DCDC1: variants seen among roughly 807,000 people sequenced by gnomAD.
The protein encoded by DCDC1 is doublecortin domain containing 1.
A neutral mutation model predicts 178.3 loss-of-function variants in DCDC1; 200 were observed. The ratio of observed to expected loss-of-function variants is 1.12; its 90% CI spans 1.00 to 1.26. The LOEUF is 1.26. Ranked by LOEUF, DCDC1 falls within the 50% of genes most tolerant of loss-of-function variation. The pLI, the probability that DCDC1 is intolerant of heterozygous loss-of-function variation, is 0.00. For missense variants in DCDC1, 1,983 were observed against 1,749.2 expected, an observed-to-expected ratio of 1.13 and a Z score of -2.38; for synonymous variants, 690 against 604.8, an observed-to-expected ratio of 1.14 and a Z score of -2.07.
At chr11:31,153,647 G>A (rs965454538) in intron 9 of DCDC1, among the ~76,000 whole-genome samples, 2 of 152,036 alleles carry the variant, frequency 1.3e-5, no homozygotes, top group Admixed American at 6.6e-5. Flanking sequence ...GCCGGGCATG[G>A]TGGTGGGCGC....
rs550789759 is a variant in DCDC1, at chr11:31,068,103, AAGAAG to A, written c.2299-2955_2299-2951del. Among the ~76,000 whole-genome samples the A allele has an allele frequency of 1.8e-4, 28 of 152,284 alleles. No homozygotes were observed. The East Asian group carries it at 4.1e-3, about 22-fold the overall frequency. ...GTATAGCTTTAAACCAGCAAAGAAA[AAGAAG>A]AGAAAAGGGATCCAGAAAATGTCAA... On this transcript the variant is annotated intron_variant, in intron 18 of 38. Transcript: ENST00000684477.
At chr11:31,331,068 A>T (rs1350203778) in intron 2 of DCDC1, among the ~76,000 whole-genome samples, 1 of 152,084 alleles carries the variant, frequency 6.6e-6, no homozygotes, top group Admixed American at 6.5e-5. Context: ...ATTTCTTTGA[A>T]CGGTGGTTTG....
At chr11:31,004,440 G>A (rs1468665629) in intron 20 of DCDC1, among the ~76,000 whole-genome samples, 1 of 151,384 alleles carries the variant, frequency 6.6e-6, no homozygotes, top group Non-Finnish European at 1.5e-5. Flanking sequence ...TTGGGAGGCC[G>A]AGGTGGGAGG....
chr11:31,065,031 G>C lies in DCDC1; in HGVS notation c.2421C>G (p.Asn807Lys), dbSNP rs1163022479. The change falls in exon 19 of 39, where the codon AAC (asparagine) becomes AAG (lysine). Residue 807 changes from asparagine (N) to lysine (K), a missense_variant. Physicochemically the swap from Asn to Lys is moderately conservative, Grantham distance 94 (BLOSUM62 0). Transcript: ENST00000684477. ...TCCCTACACTGACCTCTTCTGCTAA[G>C]TTTCTGCCATGTTCCTGATGAGCTG... ...WTTAHQEHGR[N>K]LAEEVLQESA... The C allele has an allele frequency of 2.6e-6, 2 of 762,154 alleles. No individual in the cohort carries two copies. Among genetic ancestry groups the C allele is most frequent in the South Asian group, 2.7e-5 (2 of 73,756 alleles). 47.2% of individuals were successfully genotyped at this position (762,154 alleles called of 1,614,324 possible). A position where few individuals can be genotyped will look rare whatever the true frequency, so the allele number is the denominator to read the frequency against.
At chr11:31,181,993 A>G (rs1392381214) in intron 9 of DCDC1, among the ~76,000 whole-genome samples, 1 of 152,192 alleles carries the variant, frequency 6.6e-6, no homozygotes, top group African/African-American at 2.4e-5. Flanking sequence ...AGGATATGAG[A>G]CATTGAAGAT....
intron 9 of DCDC1, among the ~76,000 whole-genome samples, chr11:31,219,044 G>A (rs1973930989): frequency 6.6e-6 from 1 of 151,992 alleles, no homozygotes; most frequent in South Asian, 2.1e-4. Flanking sequence ...CTGGAAGAAC[G>A]GAGCTCCGAA....
intron 3 of DCDC1, among the ~76,000 whole-genome samples, chr11:31,326,553 T>A (rs1949658910): frequency 6.6e-6 from 1 of 152,174 alleles, no homozygotes; most frequent in Non-Finnish European, 1.5e-5. Flanking sequence ...GAAATTTTTT[T>A]ATAATAAGTC....
intron 9 of DCDC1, among the ~76,000 whole-genome samples, chr11:31,196,294 G>A (rs1970686549): frequency 6.6e-6 from 1 of 151,930 alleles, no homozygotes; most frequent in Admixed American, 6.6e-5. Flanking sequence ...AATCCTCCAA[G>A]TCTCTGGACA....
chr11:30,997,019 G>A (rs1951311886), intron 20 of DCDC1, among the ~76,000 whole-genome samples: 1 of 152,182 alleles, frequency 6.6e-6, no homozygotes, highest in Admixed American at 6.5e-5. Flanking sequence ...GGAATGAGCT[G>A]TTGCACACAG....
At chr11:31,221,047 G>C (rs1198651578) in intron 9 of DCDC1, among the ~76,000 whole-genome samples, 4 of 152,076 alleles carry the variant, frequency 2.6e-5, no homozygotes, top group Non-Finnish European at 5.9e-5. Context: ...GGCATTTGGG[G>C]TAAGGGCTTC....
chr11:31,359,249 C>G (rs561284023), intron 1 of DCDC1, among the ~76,000 whole-genome samples: 1 of 142,770 alleles, frequency 7.0e-6, no homozygotes, highest in South Asian at 2.3e-4. Flanking sequence ...GAATACTATG[C>G]AGCCATAAAA....
At chr11:31,228,892 G>C (rs576977332) in intron 9 of DCDC1, among the ~76,000 whole-genome samples, 1 of 152,054 alleles carries the variant, frequency 6.6e-6, no homozygotes, top group South Asian at 2.1e-4. Flanking sequence ...GAACATGGAG[G>C]AATACTGGAA....
chr11:30,947,583 A>T (rs1948129875), intron 21 of DCDC1, among the ~76,000 whole-genome samples: 1 of 152,200 alleles, frequency 6.6e-6, no homozygotes, highest in South Asian at 2.1e-4. Flanking sequence ...TAAATTATCA[A>T]ATCTAAGACC....
chr11:31,366,102 T>C (rs1464698673), intron 1 of DCDC1, among the ~76,000 whole-genome samples: 1 of 152,064 alleles, frequency 6.6e-6, no homozygotes, highest in Admixed American at 6.5e-5. Context: ...GAAATACTAT[T>C]ATTACTCCCA....
chr11:31,080,859 G>T (rs1957126262), intron 17 of DCDC1, among the ~76,000 whole-genome samples: 1 of 152,144 alleles, frequency 6.6e-6, no homozygotes, highest in Non-Finnish European at 1.5e-5. Context: ...AAATGAAATG[G>T]CAAATGATAA....
chr11:30,923,103 C>T (rs909192794), intron 23 of DCDC1, among the ~76,000 whole-genome samples: 6 of 152,080 alleles, frequency 3.9e-5, no homozygotes, highest in South Asian at 2.1e-4. Flanking sequence ...TAGAGATTGG[C>T]GAACTATCCC....
At chr11:30,996,820 G>C (rs770896196) in intron 20 of DCDC1, among the ~76,000 whole-genome samples, 12 of 152,108 alleles carry the variant, frequency 7.9e-5, no homozygotes, top group Non-Finnish European at 2.9e-5. Flanking sequence ...AGACACACAT[G>C]GTCCAGCAAT....
chr11:31,231,554 A>C (rs114603874), intron 9 of DCDC1, among the ~76,000 whole-genome samples: 1 of 152,158 alleles, frequency 6.6e-6, no homozygotes, highest in Non-Finnish European at 1.5e-5. Context: ...ATTTTAGTAA[A>C]AAGTGCATAT....
chr11:30,945,851 T>C (rs201502442), intron 21 of DCDC1, among the ~76,000 whole-genome samples: 1 of 152,164 alleles, frequency 6.6e-6, no homozygotes, highest in East Asian at 1.9e-4. Flanking sequence ...TATCTTCTTG[T>C]GAGGCAGCTC....
Sources: gnomAD v4.1 joint callset for allele counts (sites outside exome capture counted in the v4.1 genomes callset) on GRCh38, gnomAD v4.1.1 for gene constraint, MANE v1.5 for transcripts, NCBI Gene and HGNC (gene_info 2026-07-23, HGNC 2026-07-21) for gene names.